The following TANC2 variants were observed in gnomAD, a reference collection of about 807,000 sequenced individuals.
TANC2 encodes protein TANC2.
Under a neutral mutation model 210.5 loss-of-function variants are expected in TANC2, and 26 were observed. That is an observed-to-expected ratio of 0.12 (90% CI 0.09 to 0.17). The LOEUF (loss-of-function observed/expected upper bound fraction) is 0.17, where lower values mean the gene tolerates loss of function less well. Ranked by LOEUF, TANC2 falls within the 10% of genes least tolerant of loss-of-function variation. The pLI, the probability that TANC2 is intolerant of heterozygous loss-of-function variation, is 1.00. For synonymous variants in TANC2, 931 were observed against 967.1 expected (o/e 0.96, Z 0.69); for missense variants, 2,129 against 2,608.9 (o/e 0.82, Z 4.01).
In TANC2 at chr17:63,200,433, T is replaced by A. The variant is rs555787896; in HGVS notation, c.583-338T>A. 1.4e-4 allele frequency among the ~76,000 whole-genome samples: 22 copies of A among 151,938 alleles called. No homozygotes were observed. In the East Asian group the frequency reaches 3.3e-3, roughly 23 times the overall value. On this transcript the variant is annotated intron_variant, in intron 6 of 27. Transcript: ENST00000689528. ...AAGTTCCAGGTCTTCCAAAAAGTTT[T>A]ATTGATTGCAAGGAAAACTTGCAAT...
At chr17:63,123,378 G>A (rs940189123) in intron 4 of TANC2, among the ~76,000 whole-genome samples, 3 of 151,818 alleles carry the variant, frequency 2.0e-5, no homozygotes, top group Non-Finnish European at 4.4e-5. Flanking sequence ...TGGCGCAGTG[G>A]AATCCTGTCT....
chr17:63,141,401 A>AT (rs2039286124), intron 4 of TANC2, among the ~76,000 whole-genome samples: 1 of 141,472 alleles, frequency 7.1e-6, no homozygotes, highest in Non-Finnish European at 1.5e-5. Flanking sequence ...AAAAAAAAAA[A>AT]AAAAAAAAAA....
intron 20 of TANC2, 30 bp downstream of exon 20, chr17:63,405,285 A>G (rs750073185): frequency 7.9e-6 from 12 of 1,525,446 alleles, no homozygotes; most frequent in Non-Finnish European, 1.1e-5. Context: ...CCAGTCCCTC[A>G]GGCAGGACTG....
In TANC2 at chr17:63,258,125, C is replaced by T. The variant is rs549773647; in HGVS notation, c.1034-9623C>T. Among the ~76,000 whole-genome samples, 12 of 152,306 alleles carry T rather than the reference C, an allele frequency of 7.9e-5. No homozygotes were observed. The South Asian group carries it at 2.3e-3, about 29-fold the overall frequency. ...GTTTGAAGGATGTTTTCCCTGGATA[C>T]GCTATTCTACCATAGAATTTTTTTT... On this transcript the variant is annotated intron_variant, in intron 8 of 27. Transcript: ENST00000689528.
chr17:63,215,392 C>A (rs2041998213), intron 7 of TANC2, among the ~76,000 whole-genome samples: 2 of 152,088 alleles, frequency 1.3e-5, no homozygotes, highest in South Asian at 4.1e-4. Context: ...TTCCTAAATA[C>A]CTTTGAATTT....
intron 21 of TANC2, among the ~76,000 whole-genome samples, chr17:63,410,138 C>T (rs2048644199): frequency 6.6e-6 from 1 of 152,184 alleles, no homozygotes; most frequent in Non-Finnish European, 1.5e-5. Flanking sequence ...TTACCTTACA[C>T]ACTTTTTTCT....
chr17:63,412,531 G>A lies in TANC2; in HGVS notation c.3899-149G>A. 1 of 730,782 alleles carries A rather than the reference G, an allele frequency of 1.4e-6. No homozygotes were observed. The highest frequency in any genetic ancestry group is 2.2e-6 in the Non-Finnish European group (1 of 444,838). 45.3% of individuals were successfully genotyped at this position (730,782 alleles called of 1,614,324 possible). A position where few individuals can be genotyped will look rare whatever the true frequency, so the allele number is the denominator to read the frequency against. On this transcript the variant is annotated intron_variant, in intron 23 of 27. Coordinates refer to ENST00000689528, the Ensembl canonical transcript of TANC2. This position sits in a 1 kb window ranked among gnomAD's most constrained non-coding sequence, Gnocchi z 4.2. ...TGCCGCTGTCCCAGCTGCTCCCCAAGCCCACAGACCTATAGACGAGGGTTG... is the reference window on the plus strand; with the variant it reads ...TGCCGCTGTCCCAGCTGCTCCCCAAACCCACAGACCTATAGACGAGGGTTG...
intron 1 of TANC2, among the ~76,000 whole-genome samples, chr17:62,980,287 C>G: frequency 6.6e-6 from 1 of 152,128 alleles, no homozygotes; most frequent in Non-Finnish European, 1.5e-5. Context: ...GGGCTCTCTC[C>G]CACTACTCCA....
intron 7 of TANC2, among the ~76,000 whole-genome samples, chr17:63,220,387 A>G (rs1423948560): frequency 1.3e-5 from 2 of 151,752 alleles, no homozygotes; most frequent in Non-Finnish European, 1.5e-5. Context: ...AGAAAAGGCT[A>G]TTTTTTTCAG....
At chr17:63,160,559 C>T (rs1290401017) in intron 5 of TANC2, among the ~76,000 whole-genome samples, 1 of 151,956 alleles carries the variant, frequency 6.6e-6, no homozygotes, top group Non-Finnish European at 1.5e-5. Flanking sequence ...TATACTGTTG[C>T]TGAACATTTA....
At chr17:63,028,094 A>G (rs2144097198) in intron 2 of TANC2, among the ~76,000 whole-genome samples, 1 of 152,216 alleles carries the variant, frequency 6.6e-6, no homozygotes, top group South Asian at 2.1e-4. Context: ...AGGAGCCCCA[A>G]ATGGATCTTT....
chr17:63,088,471 C>G (rs1163478219), intron 3 of TANC2: 1 of 152,198 alleles, frequency 6.6e-6, no homozygotes, highest in East Asian at 1.9e-4. Context: ...TCAAGACTTT[C>G]CTGAATTCAC....
intron 4 of TANC2, among the ~76,000 whole-genome samples, chr17:63,137,088 A>G (rs930143082): frequency 6.6e-6 from 1 of 152,112 alleles, no homozygotes; most frequent in African/African-American, 2.4e-5. Flanking sequence ...TTTATTTTTT[A>G]TTTTTTATTT....
At chr17:63,022,063 G>A (rs755556765) in intron 2 of TANC2, among the ~76,000 whole-genome samples, 7 of 151,980 alleles carry the variant, frequency 4.6e-5, no homozygotes, top group Non-Finnish European at 1.0e-4. Flanking sequence ...AAACTAGGCC[G>A]GGCGCGGTGG....
intron 3 of TANC2, among the ~76,000 whole-genome samples, chr17:63,098,509 C>CTCTCTG (rs1467404341): frequency 1.5e-5 from 1 of 66,606 alleles, no homozygotes; most frequent in African/African-American, 9.9e-5. Context: ...CTCTCTCTCT[C>CTCTCTG]TGTGTGTATA....
At chr17:63,400,073 G>A (rs946178183) in intron 19 of TANC2, among the ~76,000 whole-genome samples, 19 of 152,314 alleles carry the variant, frequency 1.2e-4, no homozygotes, top group East Asian at 5.8e-4. Flanking sequence ...GACATCAGCC[G>A]CTCTGGAGTA....
intron 4 of TANC2, chr17:63,150,519 G>T (rs1449650599): frequency 6.6e-6 from 1 of 152,140 alleles, no homozygotes; most frequent in Admixed American, 6.5e-5. Context: ...AAGAATGAAT[G>T]GATTCCATGG....
intron 15 of TANC2, among the ~76,000 whole-genome samples, chr17:63,384,066 T>C (rs936188945): frequency 6.6e-6 from 1 of 152,000 alleles, no homozygotes. Flanking sequence ...GCAAGTTGTT[T>C]AACTTTTTTT....
At chr17:63,214,490 G>T (rs762504279) in intron 7 of TANC2, among the ~76,000 whole-genome samples, 7 of 152,312 alleles carry the variant, frequency 4.6e-5, no homozygotes, top group Admixed American at 1.3e-4. Context: ...TTTAGCTTGG[G>T]TAATTTACAA....
Sources: allele counts gnomAD v4.1 joint callset (sites outside exome capture counted in the v4.1 genomes callset), GRCh38; gene constraint gnomAD v4.1.1; non-coding constraint Gnocchi (gnomAD v3.1); transcripts MANE v1.5; gene names NCBI Gene and HGNC (gene_info 2026-07-23, HGNC 2026-07-21).